ACAD10: variants seen among roughly 807,000 people sequenced by gnomAD.
ACAD10 encodes ACAD-10.
A neutral mutation model predicts 116.8 loss-of-function variants in ACAD10; 112 were observed. The observed-to-expected ratio is 0.96, with a 90% CI of 0.82 to 1.12. The LOEUF is 1.12. Among genes scored for constraint, ACAD10 ranks in the 50% most tolerant of loss-of-function variants. The pLI is 0.00. For synonymous variants in ACAD10, 486 were observed against 510.6 expected, an observed-to-expected ratio of 0.95 and a Z score of 0.65; for missense variants, 1,259 against 1,350.2, an observed-to-expected ratio of 0.93 and a Z score of 1.06.
At position 111,729,817 on chromosome 12, in the gene ACAD10, C is replaced by G. The variant is rs1342233383; in HGVS notation, c.1255C>G (p.Pro419Ala). The change falls in exon 10 of 21, where the codon CCA becomes GCA. Residue 419 changes from proline to alanine, a missense_variant. By Grantham distance (27) the Pro-to-Ala change is conservative (BLOSUM62 -1). Coordinates refer to ENST00000313698, the MANE Select transcript of ACAD10 (RefSeq NM_025247.6). ...CCTATTTCCCGCAGGGGACTATATT[C>G]CACGCCAGGTACGAACCTGGGTTAA... Reference protein sequence around the residue: ...EDYGKQGDYIPRQVRTWVKQY... With the variant: ...EDYGKQGDYIARQVRTWVKQY... The G allele has an allele frequency of 1.2e-6, 2 of 1,613,772 alleles. No individual in the cohort carries two copies. Among genetic ancestry groups the G allele is most frequent in the East Asian group, 4.5e-5 (2 of 44,866 alleles).
intron 16 of ACAD10, chr12:111,747,637 A>T: frequency 4.6e-6 from 6 of 1,302,608 alleles, no homozygotes; most frequent in Non-Finnish European, 5.9e-6. Context: ...CTCCCTGCAC[A>T]TGTGACCCCA....
Position 111,723,685 on chromosome 12 carries a change from C to T in ACAD10, c.1061+1946C>T, listed in dbSNP as rs1889118292. Among the ~76,000 whole-genome samples the T allele has an allele frequency of 4.8e-5, 3 of 62,254 alleles. No homozygotes were observed. In the South Asian group the frequency reaches 2.1e-3, roughly 44 times the overall value. The allele number at this position is 62,254 out of a possible 152,430, so 40.8% of individuals were successfully genotyped here. ...CCTCCCGGACGGGGCGGGGGGCTGA[C>T]CCCCCCCCCCACCTCCCTCCCGGAC... is the stretch of plus-strand genomic sequence containing the variant. On this transcript the variant is annotated intron_variant, in intron 8 of 20. Transcript: ENST00000313698.
intron 4 of ACAD10, among the ~76,000 whole-genome samples, chr12:111,708,921 G>A (rs1052788838): frequency 1.3e-5 from 2 of 152,002 alleles, no homozygotes; most frequent in African/African-American, 4.8e-5. Context: ...CTCTTAGCAT[G>A]TCAGGAACAG....
intron 4 of ACAD10, among the ~76,000 whole-genome samples, chr12:111,706,780 A>ATTTTTTT (rs1428071019): frequency 8.2e-6 from 1 of 122,094 alleles, no homozygotes. Flanking sequence ...ATATATATAT[A>ATTTTTTT]TATTTTTTTT....
intron 19 of ACAD10, among the ~76,000 whole-genome samples, chr12:111,754,372 G>A (rs890181857): frequency 6.6e-6 from 1 of 152,190 alleles, no homozygotes; most frequent in Non-Finnish European, 1.5e-5. Flanking sequence ...AGGCTAGAAT[G>A]CAGTGGTACA....
intron 6 of ACAD10, 83 bp from the exon 7 acceptor site, chr12:111,715,738 C>T: frequency 6.3e-7 from 1 of 1,582,404 alleles, no homozygotes; most frequent in South Asian, 1.1e-5. Context: ...AGCCCAAATG[C>T]AGAACTCATT....
rs764286765 is a variant in ACAD10 at position 111,749,024 on chromosome 12, G to A, written c.2645-149G>A. On this transcript the variant is annotated intron_variant, in intron 17 of 20. Transcript: ENST00000313698. ...TGTGTTTAACAGGCTGTTTCCTGCC[G>A]TCCTTTTCCCTTTAACCATGTCCCA... 9.1e-5 allele frequency: 147 copies of A among 1,612,860 alleles called. 1 individual carries two copies. The highest frequency in any genetic ancestry group is 8.0e-4 in the South Asian group (72 of 90,238).
chr12:111,750,063 G>A (rs927856990), intron 18 of ACAD10, among the ~76,000 whole-genome samples: 2 of 149,862 alleles, frequency 1.3e-5, no homozygotes, highest in East Asian at 2.0e-4. Context: ...GTGAGCCACC[G>A]TGCCCGGCAA....
chr12:111,723,069 C>A (rs1162772765), intron 8 of ACAD10, among the ~76,000 whole-genome samples: 2 of 146,158 alleles, frequency 1.4e-5, no homozygotes, highest in African/African-American at 5.1e-5. Context: ...CAGAGGGGCT[C>A]CTCACTTCCC....
At chr12:111,746,391 C>A in intron 14 of ACAD10, 107 bp downstream of exon 14, 2 of 1,012,782 alleles carry the variant, frequency 2.0e-6, no homozygotes, top group Non-Finnish European at 2.6e-6. Context: ...TGAACTTGAA[C>A]TTTTTTTTTT....
chr12:111,735,647 G>T (rs989887967), intron 11 of ACAD10, among the ~76,000 whole-genome samples: 1 of 151,960 alleles, frequency 6.6e-6, no homozygotes, highest in South Asian at 2.1e-4. Flanking sequence ...AGTAGACATG[G>T]GGTTTCACCG....
chr12:111,712,322 C>G (rs1473311237), intron 5 of ACAD10, among the ~76,000 whole-genome samples, 176 bp from the exon 6 acceptor site: 2 of 152,148 alleles, frequency 1.3e-5, no homozygotes, highest in Non-Finnish European at 2.9e-5. Flanking sequence ...CAGATAGGAG[C>G]CCCTGAGGCC....
chr12:111,730,777 C>G (rs1404653723), intron 10 of ACAD10, among the ~76,000 whole-genome samples: 1 of 145,024 alleles, frequency 6.9e-6, no homozygotes, highest in East Asian at 2.0e-4. Context: ...TTTTAGACAT[C>G]GTCTCACTCA....
chr12:111,722,539 G>T (rs1389131305), intron 8 of ACAD10, among the ~76,000 whole-genome samples: 2 of 151,840 alleles, frequency 1.3e-5, no homozygotes, highest in African/African-American at 4.9e-5. Flanking sequence ...GCGGCCTTCC[G>T]CAGTGTTTGT....
chr12:111,723,047 C>T (rs1479427823), intron 8 of ACAD10, among the ~76,000 whole-genome samples: 2 of 112,418 alleles, frequency 1.8e-5, no homozygotes, highest in Non-Finnish European at 3.7e-5. Context: ...CCGGACGGGG[C>T]GGCTGGCCGG....
chr12:111,715,498 G>GA (rs1290083065), intron 6 of ACAD10: 9 of 300,842 alleles, frequency 3.0e-5, no homozygotes, highest in African/African-American at 1.9e-4. Context: ...TTGATAAACA[G>GA]AATGAACATG....
intron 8 of ACAD10, among the ~76,000 whole-genome samples, chr12:111,726,793 G>A (rs1411041382): frequency 3.9e-5 from 6 of 151,944 alleles, no homozygotes; most frequent in East Asian, 1.9e-4. Context: ...CCCGGGAGGC[G>A]GAGGTTGCAG....
intron 10 of ACAD10, 117 bp from the exon 11 acceptor site, chr12:111,733,806 G>A: frequency 7.5e-7 from 1 of 1,326,386 alleles, no homozygotes; most frequent in Admixed American, 1.8e-5. Context: ...CAGGCACCCG[G>A]GCACAGAGGG....
intron 13 of ACAD10, chr12:111,745,307 G>A (rs1005397592): frequency 3.7e-5 from 19 of 514,356 alleles, no homozygotes; most frequent in Non-Finnish European, 6.5e-5. Context: ...GAAAGCCAGG[G>A]CAGGTTAGGC....
Sources: gnomAD v4.1 joint callset for allele counts (sites outside exome capture counted in the v4.1 genomes callset) on GRCh38, gnomAD v4.1.1 for gene constraint, MANE v1.5 for transcripts, NCBI Gene and HGNC (gene_info 2026-07-23, HGNC 2026-07-21) for gene names.